SLC9C1: variants seen among roughly 807,000 people sequenced by gnomAD.
The protein encoded by SLC9C1 is sodium/hydrogen exchanger 10.
Under a neutral mutation model 140.9 loss-of-function variants are expected in SLC9C1, and 97 were observed. That is an observed-to-expected ratio of 0.69 (90% CI 0.58 to 0.82). The LOEUF (loss-of-function observed/expected upper bound fraction) is 0.82, where lower values mean the gene tolerates loss of function less well. SLC9C1 is among the 40% of genes least tolerant of loss of function. The pLI, the probability that SLC9C1 is intolerant of heterozygous loss-of-function variation, is 0.00. For synonymous variants in SLC9C1, 440 were observed against 442.6 expected, an observed-to-expected ratio of 0.99 and a Z score of 0.07; for missense variants, 1,340 against 1,389.3, an observed-to-expected ratio of 0.96 and a Z score of 0.56.
chr3:112,190,928 AACACACACACACACACAC>A (rs56930611), intron 20 of SLC9C1, among the ~76,000 whole-genome samples: 3 of 138,682 alleles, frequency 2.2e-5, no homozygotes, highest in African/African-American at 5.3e-5. Context: ...ACTTTTTTTA[AACACACACACACACACAC>A]ACACACACAC....
chr3:112,147,772 G>T lies in SLC9C1; in HGVS notation c.3524+4085C>A, dbSNP rs1274657942. 2.6e-5 allele frequency among the ~76,000 whole-genome samples: 4 copies of T among 152,038 alleles called. No homozygotes were observed. In the East Asian group the frequency reaches 7.7e-4, roughly 29 times the overall value. On this transcript the variant is annotated intron_variant, in intron 28 of 28. Coordinates refer to ENST00000305815, the MANE Select transcript of SLC9C1 (RefSeq NM_183061.3). ...TATATGTGTTGGGGACGTTCATTTT[G>T]TATATTGTCTCTAGGTTTTTGTATC...
At chr3:112,169,394 T>A (rs2077203335) in intron 23 of SLC9C1, 66 bp from the exon 24 acceptor site, 1 of 1,471,336 alleles carries the variant, frequency 6.8e-7, no homozygotes, top group African/African-American at 1.4e-5. Context: ...ATAAAGTTTT[T>A]TTGTTTATGT....
chr3:112,276,823 C>T (rs1005528994), intron 5 of SLC9C1, among the ~76,000 whole-genome samples: 1 of 151,972 alleles, frequency 6.6e-6, no homozygotes, highest in African/African-American at 2.4e-5. Context: ...TGGATGTTGG[C>T]ATCTTCTTCT....
intron 27 of SLC9C1, among the ~76,000 whole-genome samples, chr3:112,154,716 C>T (rs1388654046): frequency 2.0e-5 from 3 of 152,150 alleles, no homozygotes; most frequent in Non-Finnish European, 4.4e-5. Context: ...TGTGCTACAA[C>T]CGTAGCCATC....
chr3:112,220,333 A>T (rs2078505761), intron 14 of SLC9C1, among the ~76,000 whole-genome samples: 1 of 152,160 alleles, frequency 6.6e-6, no homozygotes, highest in Non-Finnish European at 1.5e-5. Flanking sequence ...GTGTACCACA[A>T]GGTTGTACAT....
chr3:112,161,228 C>T (rs1300620809), intron 26 of SLC9C1, among the ~76,000 whole-genome samples: 1 of 152,134 alleles, frequency 6.6e-6, no homozygotes, highest in Non-Finnish European at 1.5e-5. Context: ...GTTGCCTGTT[C>T]ACTCTGATGG....
At chr3:112,220,816 A>G (rs1258716332) in intron 14 of SLC9C1, among the ~76,000 whole-genome samples, 1 of 151,192 alleles carries the variant, frequency 6.6e-6, no homozygotes, top group East Asian at 2.0e-4. Flanking sequence ...CAAATTGTCT[A>G]AAAGGAAGAG....
intron 17 of SLC9C1, among the ~76,000 whole-genome samples, chr3:112,203,403 C>T (rs1452044188): frequency 7.9e-5 from 12 of 152,030 alleles, no homozygotes. Context: ...CTTATGATCC[C>T]TTAGAATACC....
intron 10 of SLC9C1, among the ~76,000 whole-genome samples, chr3:112,245,694 C>T (rs1202804543): frequency 6.6e-6 from 1 of 151,966 alleles, no homozygotes; most frequent in Non-Finnish European, 1.5e-5. Flanking sequence ...TTAGGGCTAT[C>T]CTCAGTTTTC....
intron 28 of SLC9C1, among the ~76,000 whole-genome samples, chr3:112,141,520 G>A (rs992818632): frequency 9.3e-5 from 13 of 140,386 alleles, no homozygotes; most frequent in East Asian, 1.9e-4. Flanking sequence ...CCACTGAAGC[G>A]TGCTAAAATG....
rs573793957 is a variant in SLC9C1 at position 112,151,747 on chromosome 3, AAGAGCTAT to A, written c.3524+102_3524+109del. 5.6e-4 allele frequency: 441 copies of A among 785,492 alleles called. 1 individual carries two copies. The highest frequency in any genetic ancestry group is 8.9e-4 in the Non-Finnish European group (406 of 454,096). 48.7% of individuals were successfully genotyped at this position (785,492 alleles called of 1,614,324 possible). ...TTAGAAGAATCATCTGACTAGTGGA[AAGAGCTAT>A]AATTCACACTATCACATAAAGGGCA... On this transcript the variant is annotated intron_variant, in intron 28 of 28. Transcript: ENST00000305815.
In SLC9C1 at chr3:112,151,940, AGTGGCG is replaced by A; in HGVS notation, c.3435_3440del (p.Thr1147_Ala1148del). 1.2e-6 allele frequency: 2 copies of A among 1,604,576 alleles called. No individual in the cohort carries two copies. Among genetic ancestry groups the A allele is most frequent in the Non-Finnish European group, 1.7e-6 (2 of 1,177,422 alleles). ...GGGAGCAAGGCTGGGGACTCCTGGC[AGTGGCG>A]GCACTGTGTGCTCCATCCTGGGATT... is the stretch of plus-strand genomic sequence containing the variant. On this transcript the variant is annotated inframe_deletion, in exon 28 of 29. Coordinates refer to ENST00000305815, the MANE Select transcript of SLC9C1 (RefSeq NM_183061.3).
intron 28 of SLC9C1, among the ~76,000 whole-genome samples, chr3:112,150,589 C>G (rs2074927799): frequency 6.6e-6 from 1 of 151,852 alleles, no homozygotes. Context: ...CACTATCTTG[C>G]TACTTCAAAG....
chr3:112,266,937 G>A (rs2079934142), intron 7 of SLC9C1, among the ~76,000 whole-genome samples: 1 of 152,110 alleles, frequency 6.6e-6, no homozygotes, highest in African/African-American at 2.4e-5. Context: ...TAAAAAAATT[G>A]TCTTGTCTAT....
intron 12 of SLC9C1, among the ~76,000 whole-genome samples, chr3:112,236,783 G>C (rs939510955): frequency 3.9e-5 from 6 of 152,184 alleles, no homozygotes; most frequent in Non-Finnish European, 7.4e-5. Context: ...GCGATTTTGA[G>C]TGAGTTTCTT....
In SLC9C1 at chr3:112,275,007, A is replaced by G; in HGVS notation, c.503T>C (p.Ile168Thr). The change falls in exon 6 of 29, where the codon ATC (isoleucine) becomes ACC (threonine). Residue 168 changes from isoleucine to threonine, a missense_variant. Coordinates refer to ENST00000305815, the MANE Select transcript of SLC9C1 (RefSeq NM_183061.3). Reference protein sequence around the residue: ...IRDLGLSRSLISLINGESLMT... With the variant: ...IRDLGLSRSLTSLINGESLMT... Reference sequence around the variant, plus strand: ...CAGACTTTCTCCATTAATTAAACTGATGAGGCTTCTAGAAAGCCCTACATA... The same window carrying G: ...CAGACTTTCTCCATTAATTAAACTGGTGAGGCTTCTAGAAAGCCCTACATA... The G allele has an allele frequency of 6.4e-7, 1 of 1,573,578 alleles. No homozygotes were observed. Among genetic ancestry groups the G allele is most frequent in the East Asian group, 2.3e-5 (1 of 43,704 alleles).
chr3:112,145,702 A>G (rs1175464613), intron 28 of SLC9C1, among the ~76,000 whole-genome samples: 1 of 143,716 alleles, frequency 7.0e-6, no homozygotes, highest in South Asian at 2.2e-4. Flanking sequence ...ATCTTGGGAG[A>G]TTGTGTGGTC....
chr3:112,219,814 C>A (rs750280465), intron 14 of SLC9C1, among the ~76,000 whole-genome samples: 2 of 152,126 alleles, frequency 1.3e-5, no homozygotes, highest in Non-Finnish European at 2.9e-5. Flanking sequence ...CTCCTGACCT[C>A]AAGTGATCCA....
At chr3:112,149,578 G>A (rs1018019619) in intron 28 of SLC9C1, among the ~76,000 whole-genome samples, 3 of 152,132 alleles carry the variant, frequency 2.0e-5, no homozygotes, top group Non-Finnish European at 2.9e-5. Context: ...GGAGCAGAGA[G>A]AGCCCTGCTG....
Sources: allele counts gnomAD v4.1 joint callset (sites outside exome capture counted in the v4.1 genomes callset), GRCh38; gene constraint gnomAD v4.1.1; transcripts MANE v1.5; gene names NCBI Gene and HGNC (gene_info 2026-07-23, HGNC 2026-07-21).